Variants in KCNH7 observed in about 807,000 individuals in gnomAD.
KCNH7 encodes the protein voltage-gated inwardly rectifying potassium channel KCNH7.
Under a neutral mutation model 120.8 loss-of-function variants are expected in KCNH7, and 49 were observed. The ratio of observed to expected loss-of-function variants is 0.41; its 90% CI spans 0.32 to 0.51. The LOEUF (loss-of-function observed/expected upper bound fraction) is 0.51. Among genes scored for constraint, KCNH7 ranks in the 20% least tolerant of loss-of-function variants. The pLI is 0.38. For missense variants in KCNH7, 1,097 were observed against 1,446.6 expected, an observed-to-expected ratio of 0.76 and a Z score of 3.92; for synonymous variants, 547 against 516.1, an observed-to-expected ratio of 1.06 and a Z score of -0.81.
At chr2:162,830,940 G>T (rs28728123) in intron 2 of KCNH7, among the ~76,000 whole-genome samples, 80,436 of 151,984 alleles carry the variant, frequency 0.53, 22,213 homozygotes, top group South Asian at 0.73. Context: ...AAGGTATTTT[G>T]TTATCACAGT....
chr2:162,737,581 C>T (rs1392616493), intron 2 of KCNH7, among the ~76,000 whole-genome samples: 1 of 152,060 alleles, frequency 6.6e-6, no homozygotes, highest in African/African-American at 2.4e-5. Flanking sequence ...AAAATAAGGC[C>T]TTCCAAATCA....
chr2:162,565,019 A>C (rs567031677), intron 2 of KCNH7, among the ~76,000 whole-genome samples: 1 of 152,158 alleles, frequency 6.6e-6, no homozygotes, highest in East Asian at 1.9e-4. Flanking sequence ...TTAACCTCCA[A>C]AGTAATTTGT....
intron 3 of KCNH7, among the ~76,000 whole-genome samples, chr2:162,524,477 T>C (rs1189410018): frequency 2.0e-5 from 3 of 152,002 alleles, no homozygotes; most frequent in African/African-American, 4.8e-5. Context: ...GGCCACAGTG[T>C]CCAGTACAGA....
chr2:162,529,515 AG>A (rs1691841885), intron 3 of KCNH7, among the ~76,000 whole-genome samples: 1 of 151,996 alleles, frequency 6.6e-6, no homozygotes, highest in Non-Finnish European at 1.5e-5. Flanking sequence ...TTCATGCTAT[AG>A]AAGACATATG....
intron 2 of KCNH7, among the ~76,000 whole-genome samples, chr2:162,620,641 C>CATTTT (rs1683320405): frequency 6.6e-6 from 1 of 152,088 alleles, no homozygotes; most frequent in African/African-American, 2.4e-5. Flanking sequence ...TATTGTAAAT[C>CATTTT]ATTTTTAAAT....
At chr2:162,743,881 T>C (rs186945482) in intron 2 of KCNH7, among the ~76,000 whole-genome samples, 27 of 152,278 alleles carry the variant, frequency 1.8e-4, no homozygotes, top group Non-Finnish European at 1.5e-5. Flanking sequence ...TAAAATATTT[T>C]TTCATATATA....
At chr2:162,405,852 G>A (rs1266380132) in intron 9 of KCNH7, among the ~76,000 whole-genome samples, 5 of 152,058 alleles carry the variant, frequency 3.3e-5, no homozygotes, top group Middle Eastern at 3.4e-3. Flanking sequence ...GCCTGTGACA[G>A]ATTATAATTA....
At chr2:162,426,460 T>G (rs1687868269) in intron 8 of KCNH7, among the ~76,000 whole-genome samples, 1 of 152,154 alleles carries the variant, frequency 6.6e-6, no homozygotes, top group Non-Finnish European at 1.5e-5. Context: ...TCTAGGCATC[T>G]CTCCTTAACT....
At chr2:162,409,946 G>A (rs571157748) in intron 9 of KCNH7, among the ~76,000 whole-genome samples, 9 of 151,988 alleles carry the variant, frequency 5.9e-5, no homozygotes, top group African/African-American at 2.2e-4. Flanking sequence ...CAGAAAAATT[G>A]AAAAACATTT....
intron 3 of KCNH7, among the ~76,000 whole-genome samples, chr2:162,523,161 G>A (rs1439266760): frequency 2.0e-5 from 3 of 151,774 alleles, no homozygotes; most frequent in Admixed American, 6.6e-5. Flanking sequence ...AAGGTTTGGT[G>A]TTTTCTTGGG....
chr2:162,425,728 A>T (rs555494237), intron 8 of KCNH7, among the ~76,000 whole-genome samples: 1 of 152,240 alleles, frequency 6.6e-6, no homozygotes, highest in South Asian at 2.1e-4. Context: ...CCATCACATG[A>T]TCAAGAAAGA....
chr2:162,384,790 C>T lies in KCNH7; in HGVS notation c.2860G>A (p.Asp954Asn). The T allele has an allele frequency of 6.2e-7, 1 of 1,612,822 alleles. No homozygotes were observed. ...GCTTTCCCTATTCCTGGAGAAGAGT[C>T]TACTATTCCTGAGAAGAGCGGCTTT... ...EQKPLFSGIV[D>N]SSPGIGKASG... is the part of the protein sequence containing the mutation. The change falls in exon 13 of 16, where the codon GAC (aspartate) becomes AAC (asparagine). Residue 954 changes from aspartate to asparagine, a missense_variant. Asp to Asn is a conservative substitution (Grantham distance 23). Transcript: ENST00000332142.
chr2:162,641,459 C>A (rs1684153564), intron 2 of KCNH7, among the ~76,000 whole-genome samples: 1 of 152,060 alleles, frequency 6.6e-6, no homozygotes, highest in African/African-American at 2.4e-5. Flanking sequence ...CCTATAATCC[C>A]AGCACTTTGG....
chr2:162,698,871 G>A (rs1686392265), intron 2 of KCNH7, among the ~76,000 whole-genome samples: 1 of 152,012 alleles, frequency 6.6e-6, no homozygotes, highest in African/African-American at 2.4e-5. Flanking sequence ...TTTATGTTTT[G>A]TGGCAGAGTA....
At chr2:162,649,774 C>A (rs1684502466) in intron 2 of KCNH7, among the ~76,000 whole-genome samples, 1 of 152,098 alleles carries the variant, frequency 6.6e-6, no homozygotes. Context: ...AAAAGGAATT[C>A]TTCAATCTCT....
chr2:162,492,210 C>T (rs1466018737), intron 6 of KCNH7, among the ~76,000 whole-genome samples: 1 of 152,156 alleles, frequency 6.6e-6, no homozygotes, highest in Admixed American at 6.5e-5. Flanking sequence ...TAAGCTGTAG[C>T]CAATCTGGTG....
intron 6 of KCNH7, 42 bp from the exon 7 acceptor site, chr2:162,446,485 AT>A (rs1192096119): frequency 2.2e-5 from 32 of 1,427,026 alleles, no homozygotes; most frequent in Non-Finnish European, 2.7e-5. Context: ...TAAATATGCC[AT>A]TTTTAATCTG....
At chr2:162,527,724 T>G (rs1691761894) in intron 3 of KCNH7, among the ~76,000 whole-genome samples, 1 of 152,024 alleles carries the variant, frequency 6.6e-6, no homozygotes, top group African/African-American at 2.4e-5. Flanking sequence ...CCTCTTTGAT[T>G]TGGAAAGTGT....
Position 162,680,769 on chromosome 2 carries a change from T to A in KCNH7, c.308-143689A>T, listed in dbSNP as rs563520351. ...TTCTAAGCCTTCCTTTACTCACTTT[T>A]AAGTGACTGTAATACTAGTGTCTAC... On this transcript the variant is annotated intron_variant, in intron 2 of 15. Transcript: ENST00000332142. Among the ~76,000 whole-genome samples, 32 of 151,908 alleles carry A rather than the reference T, an allele frequency of 2.1e-4. No individual in the cohort carries two copies. In the South Asian group the frequency reaches 6.0e-3, roughly 29 times the overall value.
Sources: allele counts gnomAD v4.1 joint callset (sites outside exome capture counted in the v4.1 genomes callset), GRCh38; gene constraint gnomAD v4.1.1; transcripts MANE v1.5; gene names NCBI Gene and HGNC (gene_info 2026-07-23, HGNC 2026-07-21).